Variants in PALLD observed in about 807,000 individuals in gnomAD.
PALLD encodes the protein palladin, cytoskeletal associated protein.
In PALLD, 61 loss-of-function variants were observed where a neutral mutation model predicts 123.5. That is an observed-to-expected ratio of 0.49 (90% CI 0.40 to 0.61). The LOEUF (loss-of-function observed/expected upper bound fraction) is 0.61, where lower values mean the gene tolerates loss of function less well. Ranked by LOEUF, PALLD falls within the 20% of genes least tolerant of loss-of-function variation. The pLI, the probability that PALLD is intolerant of heterozygous loss-of-function variation, is 0.00. For missense variants in PALLD, 1,273 were observed against 1,377.0 expected (o/e 0.92, Z 1.20); for synonymous variants, 465 against 496.4 (o/e 0.94, Z 0.84).
chr4:168,732,895 ACATT>A, intron 10 of PALLD, among the ~76,000 whole-genome samples: 1 of 152,330 alleles, frequency 6.6e-6, no homozygotes, highest in African/African-American at 2.4e-5. Flanking sequence ...TAAGAGCTCC[ACATT>A]CAGTAGTAGG....
At chr4:168,878,611 T>C (rs1752170568) in intron 10 of PALLD, among the ~76,000 whole-genome samples, 2 of 145,204 alleles carry the variant, frequency 1.4e-5, no homozygotes, top group African/African-American at 4.9e-5. Context: ...CAGAACTTTT[T>C]CCTCTGAATT....
At chr4:168,772,818 A>G (rs1015966176) in intron 10 of PALLD, among the ~76,000 whole-genome samples, 12 of 152,274 alleles carry the variant, frequency 7.9e-5, no homozygotes, top group African/African-American at 2.4e-4. Flanking sequence ...AGTAAGTCCC[A>G]TGCCAAAAAA....
intron 10 of PALLD, among the ~76,000 whole-genome samples, chr4:168,858,374 C>A (rs1748924530): frequency 6.6e-6 from 1 of 152,158 alleles, no homozygotes; most frequent in Non-Finnish European, 1.5e-5. Context: ...AAGATGCTAT[C>A]TTTTATTTCG....
At chr4:168,638,246 A>C (rs964245488) in intron 2 of PALLD, among the ~76,000 whole-genome samples, 1 of 152,194 alleles carries the variant, frequency 6.6e-6, no homozygotes, top group African/African-American at 2.4e-5. Context: ...ATTCTCACAA[A>C]GATAAGCATC....
chr4:168,904,379 AT>A (rs1290490854), intron 15 of PALLD: 3 of 161,850 alleles, frequency 1.9e-5, no homozygotes, highest in African/African-American at 7.2e-5. Flanking sequence ...ACAAATGATA[AT>A]TTTGATAGCA....
chr4:168,635,415 G>A (rs528489072), intron 2 of PALLD, among the ~76,000 whole-genome samples: 4 of 152,290 alleles, frequency 2.6e-5, no homozygotes, highest in African/African-American at 7.2e-5. Context: ...TCCTATGTGG[G>A]CTACCACAAA....
chr4:168,634,636 C>A (rs528816998), intron 2 of PALLD, among the ~76,000 whole-genome samples: 3 of 152,200 alleles, frequency 2.0e-5, no homozygotes, highest in African/African-American at 7.2e-5. Context: ...TAGCGACTCC[C>A]CGTCTACTCC....
chr4:168,900,461 A>C (rs553055118), intron 14 of PALLD, among the ~76,000 whole-genome samples: 1 of 152,366 alleles, frequency 6.6e-6, no homozygotes, highest in South Asian at 2.1e-4. Context: ...AATTTATAAA[A>C]TAAGCATAGA....
chr4:168,860,368 T>G (rs1749281544), intron 10 of PALLD, among the ~76,000 whole-genome samples: 1 of 152,086 alleles, frequency 6.6e-6, no homozygotes, highest in Non-Finnish European at 1.5e-5. Context: ...GCAGAAAGTC[T>G]AAAAAGAAAT....
chr4:168,668,136 C>A, intron 2 of PALLD, 54 bp from the exon 3 acceptor site: 1 of 1,385,182 alleles, frequency 7.2e-7, no homozygotes, highest in Non-Finnish European at 1.0e-6. Flanking sequence ...TTGTTTTAAA[C>A]ATCACCATTT....
intron 2 of PALLD, among the ~76,000 whole-genome samples, chr4:168,658,285 G>GTGT (rs1778789566): frequency 7.6e-6 from 1 of 131,646 alleles, no homozygotes; most frequent in Admixed American, 7.7e-5. Context: ...TTTTTATTTG[G>GTGT]TTTTTTTTTT....
intron 2 of PALLD, among the ~76,000 whole-genome samples, chr4:168,542,495 G>A (rs1363422241): frequency 6.6e-6 from 1 of 151,292 alleles, no homozygotes; most frequent in Non-Finnish European, 1.5e-5. Flanking sequence ...AAAGAATTCT[G>A]AAGTACTTTG....
At position 168,816,406 on chromosome 4, in the gene PALLD, TA is replaced by T. The variant is rs1561556128; in HGVS notation, c.1965-74515del. 1.5e-3 allele frequency among the ~76,000 whole-genome samples: 208 copies of T among 138,370 alleles called. 3 individuals carry two copies. Among genetic ancestry groups the T allele is most frequent in the African/African-American group, 5.3e-3 (189 of 35,580 alleles). 90.8% of individuals were successfully genotyped at this position (138,370 alleles called of 152,430 possible). On this transcript the variant is annotated intron_variant, in intron 10 of 21. Transcript: ENST00000505667. ...GTATGTGTGTATATATATATATATA[TA>T]TATATATTTTTTTTAAGTATTAGAT...
chr4:168,575,057 A>G (rs1261260958), intron 2 of PALLD, among the ~76,000 whole-genome samples: 4 of 152,150 alleles, frequency 2.6e-5, no homozygotes, highest in Admixed American at 2.0e-4. Context: ...CTTAATCACC[A>G]TGACTGCAAA....
chr4:168,713,785 A>G (rs1159997448), intron 10 of PALLD, among the ~76,000 whole-genome samples: 2 of 150,028 alleles, frequency 1.3e-5, no homozygotes, highest in Non-Finnish European at 3.0e-5. Flanking sequence ...AAGATAAAAT[A>G]TAAAATAAGA....
intron 10 of PALLD, among the ~76,000 whole-genome samples, chr4:168,813,749 T>A (rs1741510416): frequency 6.6e-6 from 1 of 152,212 alleles, no homozygotes; most frequent in African/African-American, 2.4e-5. Context: ...TGTGAGCTGC[T>A]GTATGATTCT....
At chr4:168,771,246 TA>T (rs758520734) in intron 10 of PALLD, among the ~76,000 whole-genome samples, 11 of 152,104 alleles carry the variant, frequency 7.2e-5, no homozygotes, top group Non-Finnish European at 1.6e-4. Flanking sequence ...TAAAATATAA[TA>T]AAAACAAAAG....
chr4:168,587,308 A>G (rs1380380926), intron 2 of PALLD, among the ~76,000 whole-genome samples: 1 of 152,214 alleles, frequency 6.6e-6, no homozygotes, highest in African/African-American at 2.4e-5. Context: ...CACATAGGCA[A>G]TCACTTGACC....
At chr4:168,620,253 G>A (rs1280830329) in intron 2 of PALLD, among the ~76,000 whole-genome samples, 2 of 152,132 alleles carry the variant, frequency 1.3e-5, no homozygotes, top group South Asian at 2.1e-4. Context: ...TCAGGAGTTC[G>A]AGACCAGCCT....
Sources: gnomAD v4.1 joint callset for allele counts (sites outside exome capture counted in the v4.1 genomes callset) on GRCh38, gnomAD v4.1.1 for gene constraint, MANE v1.5 for transcripts, NCBI Gene and HGNC (gene_info 2026-07-23, HGNC 2026-07-21) for gene names.